The following RCAN3 variants were observed in gnomAD, a reference collection of about 807,000 sequenced individuals.
RCAN3 encodes the protein calcipressin-3.
Under a neutral mutation model 21.9 loss-of-function variants are expected in RCAN3, and 19 were observed. That is an observed-to-expected ratio of 0.87 (90% CI 0.61 to 1.27). The LOEUF is 1.27. RCAN3 is among the 50% of genes most tolerant of loss of function. The pLI is 0.00. For synonymous variants in RCAN3, 114 were observed against 112.3 expected (o/e 1.01, Z -0.09); for missense variants, 240 against 300.1 (o/e 0.80, Z 1.48).
At chr1:24,516,727 G>C (rs868239552) in intron 2 of RCAN3, among the ~76,000 whole-genome samples, 2 of 152,288 alleles carry the variant, frequency 1.3e-5, no homozygotes, top group Non-Finnish European at 2.9e-5. Flanking sequence ...CACAGCACGT[G>C]GATGGCAGAG....
intron 2 of RCAN3, among the ~76,000 whole-genome samples, chr1:24,522,969 G>A (rs747546521): frequency 2.0e-5 from 3 of 151,918 alleles, no homozygotes; most frequent in Non-Finnish European, 2.9e-5. Flanking sequence ...ACTTTAATAG[G>A]TTGAACCATA....
chr1:24,510,102 C>G (rs1647756789), intron 1 of RCAN3, among the ~76,000 whole-genome samples: 1 of 152,184 alleles, frequency 6.6e-6, no homozygotes, highest in Non-Finnish European at 1.5e-5. Flanking sequence ...ATGCTATAAA[C>G]AGATGTGCGG....
In RCAN3 at chr1:24,525,015, A is replaced by T. The variant is rs771925529; in HGVS notation, c.196-6203A>T. Among the ~76,000 whole-genome samples the T allele has an allele frequency of 4.6e-5, 7 of 151,158 alleles. No individual in the cohort carries two copies. The highest frequency in any genetic ancestry group is 8.9e-5 in the Non-Finnish European group (6 of 67,768). ...GGCTCCTCATTTTTTTTTCAGTCCA[A>T]AGCAAAGGTGTGTGGCAAAATCATG... is the stretch of plus-strand genomic sequence containing the variant. On this transcript the variant is annotated intron_variant, in intron 2 of 4. Transcript: ENST00000374395. The surrounding 1 kb of genome is among the most constrained non-coding windows in gnomAD (Gnocchi z 4.1).
At chr1:24,534,807 AAATT>A (rs1012057465) in intron 4 of RCAN3, among the ~76,000 whole-genome samples, 4 of 152,132 alleles carry the variant, frequency 2.6e-5, no homozygotes, top group African/African-American at 7.2e-5. Flanking sequence ...TCAAATAAAT[AAATT>A]AATTAATTAA....
intron 4 of RCAN3, 59 bp downstream of exon 4, chr1:24,533,313 T>G: frequency 7.4e-7 from 1 of 1,344,868 alleles, no homozygotes. Context: ...TTGAAGATCG[T>G]ATTCAGCAGT....
intron 2 of RCAN3, among the ~76,000 whole-genome samples, chr1:24,528,272 AAAAG>A (rs1433322818): frequency 1.3e-5 from 2 of 151,792 alleles, no homozygotes; most frequent in Non-Finnish European, 2.9e-5. Context: ...AAAAAAGAAA[AAAAG>A]AAAAAGGAAA....
At chr1:24,519,435 T>C (rs1238988367) in intron 2 of RCAN3, among the ~76,000 whole-genome samples, 1 of 152,144 alleles carries the variant, frequency 6.6e-6, no homozygotes, top group Non-Finnish European at 1.5e-5. Flanking sequence ...ACATGAGAAA[T>C]GGGACTGTTT....
Position 24,538,211 on chromosome 1 carries a change from T to A in RCAN3, c.*2934T>A, listed in dbSNP as rs1055617873. 5 of 152,054 alleles carry A rather than the reference T, an allele frequency of 3.3e-5. No homozygotes were observed. Among genetic ancestry groups the A allele is most frequent in the African/African-American group, 4.8e-5 (2 of 41,388 alleles). 9.4% of individuals were successfully genotyped at this position (152,054 alleles called of 1,614,324 possible). Reference sequence around the variant, plus strand: ...GGTTTAAGGTACTAAGAGGCAGAAGTGGATAGCAACAGTTCCATTGCCTTC... The same window carrying A: ...GGTTTAAGGTACTAAGAGGCAGAAGAGGATAGCAACAGTTCCATTGCCTTC... On this transcript the variant is annotated 3_prime_UTR_variant, in exon 5 of 5. Coordinates refer to ENST00000374395, the MANE Select transcript of RCAN3 (RefSeq NM_013441.4).
At chr1:24,516,090 C>T (rs1163394796) in intron 2 of RCAN3, among the ~76,000 whole-genome samples, 5 of 151,832 alleles carry the variant, frequency 3.3e-5, no homozygotes, top group South Asian at 4.2e-4. Flanking sequence ...TTGCAGTGAG[C>T]GGAGATTGCG....
chr1:24,503,479 TGCCTGTGAAGGCAGGAGCGGTG>T (rs1647232686), intron 1 of RCAN3, among the ~76,000 whole-genome samples: 1 of 152,236 alleles, frequency 6.6e-6, no homozygotes, highest in African/African-American at 2.4e-5. Context: ...AGGCCCAGCC[TGCCTGTGAAGGCAGGAGCGGTG>T]TAGGGGCGCC....
intron 4 of RCAN3, among the ~76,000 whole-genome samples, chr1:24,533,650 A>G (rs1649980577): frequency 6.6e-6 from 1 of 152,164 alleles, no homozygotes; most frequent in South Asian, 2.1e-4. Context: ...AATATAAAAA[A>G]TTAGCTAGGC....
intron 2 of RCAN3, 126 bp from the exon 3 acceptor site, chr1:24,531,092 G>T: frequency 1.6e-6 from 1 of 615,898 alleles, no homozygotes; most frequent in Non-Finnish European, 2.6e-6. Context: ...TACTTTTTTT[G>T]GAGAAAAGGT....
intron 1 of RCAN3, among the ~76,000 whole-genome samples, chr1:24,503,614 T>C (rs952844708): frequency 1.3e-5 from 2 of 152,242 alleles, no homozygotes; most frequent in Admixed American, 6.5e-5. Flanking sequence ...AACTTGTCTG[T>C]CTGCTTCTGT....
chr1:24,513,612 G>A (rs1291837533), intron 1 of RCAN3, among the ~76,000 whole-genome samples: 1 of 152,104 alleles, frequency 6.6e-6, no homozygotes, highest in Admixed American at 6.6e-5. Context: ...AGCCGGGATC[G>A]CGCCACTGCA....
At chr1:24,523,603 TACACACACAC>T (rs71577716) in intron 2 of RCAN3, among the ~76,000 whole-genome samples, 2,498 of 140,824 alleles carry the variant, frequency 0.018, 69 homozygotes, top group African/African-American at 0.058. Flanking sequence ...TTATTTCTAA[TACACACACAC>T]ACACACACAC....
intron 1 of RCAN3, among the ~76,000 whole-genome samples, chr1:24,504,584 C>A (rs1647295580): frequency 6.6e-6 from 1 of 152,164 alleles, no homozygotes; most frequent in South Asian, 2.1e-4. Flanking sequence ...CATTAGGTAA[C>A]AGACAAGAGC....
In RCAN3 at chr1:24,535,328, C is replaced by G; in HGVS notation, c.*51C>G. 6.7e-7 allele frequency: 1 copy of G among 1,486,654 alleles called. No individual in the cohort carries two copies. Among genetic ancestry groups the G allele is most frequent in the Non-Finnish European group, 8.9e-7 (1 of 1,124,220 alleles). 92.1% of individuals were successfully genotyped at this position (1,486,654 alleles called of 1,614,324 possible). On this transcript the variant is annotated 3_prime_UTR_variant, in exon 5 of 5. Transcript: ENST00000374395. ...CTGCCCTGGTGGGCTCTGGCCATGG[C>G]GCTCTGTGCCTGCGGCCGATGCGTT...
At chr1:24,535,070 G>T in intron 4 of RCAN3, 23 bp from the exon 5 acceptor site, 1 of 1,588,852 alleles carries the variant, frequency 6.3e-7, no homozygotes, top group South Asian at 1.2e-5. Flanking sequence ...CTTTTGTCAT[G>T]GTTATTTTGT....
In RCAN3 at chr1:24,532,948, CAAAAAAAAAAAAAAAA is replaced by C. The variant is rs756973308; in HGVS notation, c.370-123_370-108del. ...TGGGCGACAAAGTGAGACTCCGTCT[CAAAAAAAAAAAAAAAA>C]AAAAAAAAAAAGAAATGTTTAATTT... is the stretch of plus-strand genomic sequence containing the variant. On this transcript the variant is annotated intron_variant, in intron 3 of 4. Transcript: ENST00000374395. 20 of 93,224 alleles carry C rather than the reference CAAAAAAAAAAAAAAAA, an allele frequency of 2.1e-4. No homozygotes were observed. In the East Asian group the frequency reaches 3.8e-3, roughly 18 times the overall value. The allele number at this position is 93,224 out of a possible 1,614,324, so 5.8% of individuals were successfully genotyped here.
Sources: gnomAD v4.1 joint callset for allele counts (sites outside exome capture counted in the v4.1 genomes callset) on GRCh38, gnomAD v4.1.1 for gene constraint, Gnocchi (gnomAD v3.1) non-coding constraint, MANE v1.5 for transcripts, NCBI Gene and HGNC (gene_info 2026-07-23, HGNC 2026-07-21) for gene names.